EYA2: variants seen among roughly 807,000 people sequenced by gnomAD.
EYA2 encodes the protein protein phosphatase EYA2.
In EYA2, 31 loss-of-function variants were observed where a neutral mutation model predicts 69.2. That is an observed-to-expected ratio of 0.45 (90% CI 0.34 to 0.60). The LOEUF is 0.60. EYA2 is among the 20% of genes least tolerant of loss of function. EYA2 has a pLI of 0.02. For missense variants in EYA2, 622 were observed against 701.2 expected (o/e 0.89, Z 1.28); for synonymous variants, 257 against 279.4 (o/e 0.92, Z 0.80).
intron 1 of EYA2, among the ~76,000 whole-genome samples, chr20:46,977,188 T>G (rs1241054755): frequency 6.6e-6 from 1 of 152,272 alleles, no homozygotes; most frequent in Non-Finnish European, 1.5e-5. Context: ...TGTTTGTGTT[T>G]ATAAGCTATT....
intron 15 of EYA2, among the ~76,000 whole-genome samples, 176 bp from the exon 16 acceptor site, chr20:47,187,877 C>T (rs932935283): frequency 1.3e-5 from 2 of 152,248 alleles, no homozygotes. Flanking sequence ...GTTGGCCATA[C>T]TGGTGGGTAC....
intron 9 of EYA2, among the ~76,000 whole-genome samples, chr20:47,119,844 A>G (rs527723705): frequency 6.6e-6 from 1 of 152,316 alleles, no homozygotes; most frequent in East Asian, 1.9e-4. Flanking sequence ...AGGTGAGAGG[A>G]TAGCTTGAGC....
intron 1 of EYA2, among the ~76,000 whole-genome samples, chr20:46,930,864 G>C (rs557769376): frequency 3.3e-5 from 5 of 152,252 alleles, no homozygotes; most frequent in African/African-American, 9.6e-5. Flanking sequence ...TCTAGTCTTC[G>C]CCATGACTCT....
At chr20:47,118,720 G>A (rs981522384) in intron 9 of EYA2, among the ~76,000 whole-genome samples, 8 of 152,158 alleles carry the variant, frequency 5.3e-5, no homozygotes, top group Non-Finnish European at 1.0e-4. Context: ...GCTCTCGGCC[G>A]CTTTGAGAGA....
intron 1 of EYA2, among the ~76,000 whole-genome samples, chr20:46,939,376 A>C (rs1052871827): frequency 2.6e-5 from 4 of 152,088 alleles, no homozygotes; most frequent in African/African-American, 9.7e-5. Context: ...AGGTGGTAGA[A>C]AGCAAACCTG....
chr20:47,142,421 A>T (rs551381143), intron 9 of EYA2, among the ~76,000 whole-genome samples: 1 of 152,356 alleles, frequency 6.6e-6, no homozygotes, highest in African/African-American at 2.4e-5. Context: ...TTAGTACTGT[A>T]TCTCTTGATG....
intron 9 of EYA2, chr20:47,117,327 T>C: frequency 1.0e-6 from 1 of 978,134 alleles, no homozygotes. Context: ...TGCATTTAAC[T>C]CCATCCCCAG....
chr20:47,125,948 T>A (rs2033180775), intron 9 of EYA2, among the ~76,000 whole-genome samples: 3 of 152,130 alleles, frequency 2.0e-5, no homozygotes, highest in Admixed American at 2.0e-4. Context: ...CTGAAGCACA[T>A]GTGTCCTGAA....
chr20:46,912,702 CT>C (rs1295031719), intron 1 of EYA2, among the ~76,000 whole-genome samples: 1 of 87,230 alleles, frequency 1.1e-5, no homozygotes, highest in Non-Finnish European at 2.5e-5. Flanking sequence ...TTTTTTTTTT[CT>C]TTTTTTTTGA....
chr20:47,055,668 C>T (rs1177254931), intron 5 of EYA2, among the ~76,000 whole-genome samples: 2 of 152,186 alleles, frequency 1.3e-5, no homozygotes, highest in Non-Finnish European at 2.9e-5. Flanking sequence ...TGCTCTTTCC[C>T]GTAACCTAGA....
At chr20:47,015,342 T>G (rs1048922499) in intron 4 of EYA2, among the ~76,000 whole-genome samples, 1 of 152,228 alleles carries the variant, frequency 6.6e-6, no homozygotes, top group African/African-American at 2.4e-5. Flanking sequence ...GTTCATGGAA[T>G]TAGTACCTAT....
intron 1 of EYA2, among the ~76,000 whole-genome samples, chr20:46,913,922 G>A (rs1984770464): frequency 6.6e-6 from 1 of 152,208 alleles, no homozygotes; most frequent in Non-Finnish European, 1.5e-5. Context: ...TGGAAAGGAT[G>A]TGACAGAGAG....
At chr20:47,076,374 T>C (rs2031518615) in intron 7 of EYA2, among the ~76,000 whole-genome samples, 2 of 152,224 alleles carry the variant, frequency 1.3e-5, no homozygotes, top group African/African-American at 2.4e-5. Context: ...CATCTGTTAT[T>C]TTTTGACTTT....
intron 1 of EYA2, among the ~76,000 whole-genome samples, chr20:46,899,913 A>G (rs529875604): frequency 2.6e-5 from 4 of 152,346 alleles, no homozygotes; most frequent in African/African-American, 9.6e-5. Flanking sequence ...GCCTTCAGAT[A>G]TATGCAGAAA....
At chr20:46,940,132 TTCCA>T (rs1487066631) in intron 1 of EYA2, among the ~76,000 whole-genome samples, 1 of 152,194 alleles carries the variant, frequency 6.6e-6, no homozygotes, top group African/African-American at 2.4e-5. Context: ...AATCTGGCCC[TTCCA>T]GGATTCACTC....
At chr20:46,901,183 G>A (rs186459445) in intron 1 of EYA2, 24 of 152,248 alleles carry the variant, frequency 1.6e-4, no homozygotes, top group African/African-American at 5.3e-4. Context: ...TCACGGTTCC[G>A]GAGAAAAAGC....
chr20:46,974,202 G>A (rs557294534), intron 1 of EYA2, among the ~76,000 whole-genome samples: 20 of 152,162 alleles, frequency 1.3e-4, no homozygotes, highest in African/African-American at 3.6e-4. Flanking sequence ...CTTAGTCTAC[G>A]TGAACTACTA....
intron 2 of EYA2, among the ~76,000 whole-genome samples, chr20:46,991,979 A>AAAAAC (rs1172552336): frequency 7.0e-6 from 1 of 143,358 alleles, no homozygotes; most frequent in East Asian, 2.0e-4. Flanking sequence ...AAAAAAAAAA[A>AAAAAC]AAAAAAACGC....
At chr20:47,124,489 G>A (rs116797868) in intron 9 of EYA2, among the ~76,000 whole-genome samples, 6 of 152,322 alleles carry the variant, frequency 3.9e-5, no homozygotes, top group Admixed American at 2.6e-4. Flanking sequence ...CAGAAAGCAC[G>A]TGGTGTTGAT....
Sources: allele counts gnomAD v4.1 joint callset (sites outside exome capture counted in the v4.1 genomes callset), GRCh38; gene constraint gnomAD v4.1.1; transcripts MANE v1.5; gene names NCBI Gene and HGNC (gene_info 2026-07-23, HGNC 2026-07-21).